ANK2: variants seen among roughly 807,000 people sequenced by gnomAD.
ANK2 encodes the protein ankyrin 2.
A neutral mutation model predicts 360.5 loss-of-function variants in ANK2; 83 were observed. That is an observed-to-expected ratio of 0.23 (90% CI 0.19 to 0.28). The LOEUF (loss-of-function observed/expected upper bound fraction) is 0.28, where lower values mean the gene tolerates loss of function less well. Ranked by LOEUF, ANK2 falls within the 10% of genes least tolerant of loss-of-function variation. ANK2 has a pLI of 1.00. For missense variants in ANK2, 4,201 were observed against 4,795.7 expected (o/e 0.88, Z 3.66); for synonymous variants, 1,740 against 1,759.5 (o/e 0.99, Z 0.28).
chr4:112,963,465 ATTCT>A lies in ANK2; in HGVS notation c.21+58953_21+58956del, dbSNP rs549929643. On this transcript the variant is annotated intron_variant, in intron 2 of 30. Transcript: ENST00000503271. ...TGGTAAGATTACTTAGATTGTAGTC[ATTCT>A]TGAAATTACAGAAATAATTTATTGG... 5.3e-5 allele frequency among the ~76,000 whole-genome samples: 8 copies of A among 152,286 alleles called. 1 individual carries two copies. In the South Asian group the frequency reaches 1.7e-3, roughly 32 times the overall value.
chr4:112,720,301 T>C, the ANK2 span, among the ~76,000 whole-genome samples: 1 of 152,202 alleles, frequency 6.6e-6, no homozygotes, highest in East Asian at 1.9e-4. Flanking sequence ...ATAAATCTCT[T>C]CCTTTATGTC....
chr4:112,739,201 C>A, the ANK2 span: 1 of 299,626 alleles, frequency 3.3e-6, no homozygotes. Flanking sequence ...TAGAAGAGTC[C>A]ATTGTAAGGA....
At chr4:112,766,265 G>T in the ANK2 span, among the ~76,000 whole-genome samples, 1 of 151,194 alleles carries the variant, frequency 6.6e-6, no homozygotes, top group African/African-American at 2.4e-5. Flanking sequence ...AGGTTGCAGT[G>T]AGCCGAGATC....
intron 23 of ANK2, among the ~76,000 whole-genome samples, chr4:113,309,873 A>G (rs2079023405): frequency 1.3e-5 from 2 of 152,120 alleles, no homozygotes; most frequent in Non-Finnish European, 2.9e-5. Flanking sequence ...ATTTTGATAT[A>G]TTTGATTAAA....
chr4:113,024,081 T>TA lies in ANK2; in HGVS notation c.21+119568dup, dbSNP rs535754088. Among the ~76,000 whole-genome samples the TA allele has an allele frequency of 5.0e-3, 754 of 152,234 alleles. 11 individuals carry two copies. Among genetic ancestry groups the TA allele is most frequent in the African/African-American group, 0.017 (714 of 41,548 alleles). The stretch of plus-strand genomic sequence containing the variant: ...CCTTCCATTATAGTAATGTTACGCA[T>TA]ATTCTAGTTCATTAGCACAGTACAT... On this transcript the variant is annotated intron_variant, in intron 2 of 30. Transcript: ENST00000503271.
intron 1 of ANK2, among the ~76,000 whole-genome samples, chr4:112,860,841 G>T (rs1487189270): frequency 6.6e-6 from 1 of 152,092 alleles, no homozygotes; most frequent in African/African-American, 2.4e-5. Context: ...AGCCATAGGA[G>T]CTGCCAAAGG....
intron 29 of ANK2, among the ~76,000 whole-genome samples, chr4:113,334,748 AT>A (rs1346049370): frequency 1.3e-5 from 1 of 74,268 alleles, no homozygotes; most frequent in Non-Finnish European, 2.3e-5. Flanking sequence ...AAGTTAATAG[AT>A]TAATTAATCT....
Position 113,335,870 on chromosome 4 carries a change from A to G in ANK2, c.3404A>G (p.Glu1135Gly). 6.2e-7 allele frequency: 1 copy of G among 1,614,244 alleles called. No individual in the cohort carries two copies. The highest frequency in any genetic ancestry group is 1.3e-5 in the African/African-American group (1 of 75,060). Reference sequence around the variant, plus strand: ...GTACTGGATAGCCCAGAAGACCTAGAAAAGAAACGAATCTGCCGCATCATC... The same window carrying G: ...GTACTGGATAGCCCAGAAGACCTAGGAAAGAAACGAATCTGCCGCATCATC... Reference protein sequence around the residue: ...DEVLDSPEDLEKKRICRIITR... With the variant: ...DEVLDSPEDLGKKRICRIITR... The change falls in exon 30 of 46, where the codon GAA becomes GGA. Residue 1135 changes from glutamate (E) to glycine (G), a missense_variant. Physicochemically the swap from Glu to Gly is moderately conservative, Grantham distance 98. Around this residue, in one of 4 missense-constraint regions of ANK2, gnomAD observed 1,268 missense variants for 1,650.8 expected, o/e 0.77. Coordinates refer to ENST00000357077, the MANE Select transcript of ANK2 (RefSeq NM_001148.6).
intron 1 of ANK2, among the ~76,000 whole-genome samples, chr4:113,055,449 C>T (rs2069197744): frequency 6.6e-6 from 1 of 151,988 alleles, no homozygotes; most frequent in Non-Finnish European, 1.5e-5. Flanking sequence ...GAACCATTGC[C>T]TTAGAATGTG....
intron 4 of ANK2, among the ~76,000 whole-genome samples, chr4:113,222,600 G>C (rs974494773): frequency 1.3e-5 from 2 of 151,874 alleles, no homozygotes; most frequent in African/African-American, 2.4e-5. Flanking sequence ...ATCCCTTTAG[G>C]GTTCAGATCT....
In ANK2 at chr4:113,266,065, G is replaced by A. The variant is rs188698487; in HGVS notation, c.1485+1070G>A. Among the ~76,000 whole-genome samples, 1,034 of 152,120 alleles carry A rather than the reference G, an allele frequency of 6.8e-3. 10 individuals are homozygous for A. The highest frequency in any genetic ancestry group is 0.011 in the Non-Finnish European group (723 of 67,996). On this transcript the variant is annotated intron_variant, in intron 14 of 45. Coordinates refer to ENST00000357077, the MANE Select transcript of ANK2 (RefSeq NM_001148.6). ...GGTGGTTTGCTGTACCCATCAACCC[G>A]TCATCTACATTATGTATTTCTCCTA...
At chr4:113,232,339 A>T (rs2099318386) in intron 5 of ANK2, 80 bp downstream of exon 5, 2 of 1,090,548 alleles carry the variant, frequency 1.8e-6, no homozygotes, top group Non-Finnish European at 2.8e-6. Context: ...AATAGTCTCC[A>T]TTACTTTGTC....
the ANK2 span, among the ~76,000 whole-genome samples, chr4:112,735,430 C>T: frequency 2.0e-4 from 31 of 152,206 alleles, no homozygotes; most frequent in African/African-American, 7.5e-4. Flanking sequence ...TTAAATCAGA[C>T]TGGGTTCCTT....
the ANK2 span, among the ~76,000 whole-genome samples, chr4:112,762,802 G>C: frequency 1.3e-5 from 2 of 152,210 alleles, no homozygotes; most frequent in Non-Finnish European, 2.9e-5. Flanking sequence ...GAGCCACTGC[G>C]CCCGGCTTCG....
chr4:112,892,270 G>A (rs1409270984), intron 1 of ANK2, among the ~76,000 whole-genome samples: 3 of 152,188 alleles, frequency 2.0e-5, no homozygotes, highest in Non-Finnish European at 4.4e-5. Flanking sequence ...CTAGAAAAGG[G>A]GAAATAGCCC....
intron 2 of ANK2, among the ~76,000 whole-genome samples, chr4:112,951,264 A>G (rs2094967605): frequency 6.6e-6 from 1 of 152,172 alleles, no homozygotes; most frequent in South Asian, 2.1e-4. Context: ...CAGGAAATTG[A>G]TATTTTGTAA....
chr4:113,266,496 G>C (rs146216702), intron 14 of ANK2, among the ~76,000 whole-genome samples: 147 of 152,290 alleles, frequency 9.7e-4, no homozygotes, highest in Non-Finnish European at 2.0e-3. Context: ...GGGTCAAATG[G>C]TATTTCTGGT....
At chr4:112,735,575 T>A in the ANK2 span, among the ~76,000 whole-genome samples, 1 of 152,150 alleles carries the variant, frequency 6.6e-6, no homozygotes, top group Non-Finnish European at 1.5e-5. Flanking sequence ...CTTTCCTTGT[T>A]ACACTGATGT....
At chr4:113,278,062 C>T (rs545028364) in intron 16 of ANK2, 127 bp downstream of exon 16, 1 of 929,648 alleles carries the variant, frequency 1.1e-6, no homozygotes, top group Non-Finnish European at 1.7e-6. Flanking sequence ...CCCAAATAGA[C>T]ATGGTGGCGA....
Sources: gnomAD v4.1 joint callset for allele counts (sites outside exome capture counted in the v4.1 genomes callset) on GRCh38, gnomAD v4.1.1 for gene constraint, gnomAD v4.1.1 regional missense constraint, MANE v1.5 for transcripts, NCBI Gene and HGNC (gene_info 2026-07-23, HGNC 2026-07-21) for gene names.